Variants in KRTAP10-9 observed in about 807,000 individuals in gnomAD.
KRTAP10-9 encodes keratin-associated protein 10-9.
KRTAP10-9 carries 1 observed loss-of-function variant against 0.5 expected under a neutral mutation model. The observed-to-expected ratio is 1.92, with a 90% confidence interval of 0.68 to 9.09. The LOEUF (loss-of-function observed/expected upper bound fraction) is 9.09. KRTAP10-9 is among the 30% of genes most tolerant of loss of function. The probability of loss-of-function intolerance (pLI) is 0.13; values close to 1 mark genes in which losing one functional copy is unlikely to be tolerated. For synonymous variants in KRTAP10-9, 199 were observed against 159.8 expected (o/e 1.25, Z -1.85); for missense variants, 391 against 376.4 (o/e 1.04, Z -0.32).
At position 44,628,075 on chromosome 21, in the gene KRTAP10-9, G is replaced by A. The variant is rs587628552; in HGVS notation, c.*25G>A. The stretch of plus-strand genomic sequence containing the variant: ...ACGGTCATGTCCCCCAGGGCCAGCC[G>A]GGCTCAGGCCCCACCTCCCTGCCAG... On this transcript the variant is annotated 3_prime_UTR_variant, in exon 1 of 1. Transcript: ENST00000397911. 5.2e-5 allele frequency: 83 copies of A among 1,595,562 alleles called. 1 individual carries two copies. The highest frequency in any genetic ancestry group is 1.3e-4 in the Admixed American group (8 of 59,360).
rs587764735 is a variant in KRTAP10-9, at chr21:44,627,695, C to T, written c.524C>T (p.Ser175Phe). 6.2e-7 allele frequency: 1 copy of T among 1,603,790 alleles called. No homozygotes were observed. Among genetic ancestry groups the T allele is most frequent in the Non-Finnish European group, 8.5e-7 (1 of 1,174,200 alleles). Reference protein sequence around the residue: ...QSSCQPACCTSSPCQQSYCVP... With the variant: ...QSSCQPACCTFSPCQQSYCVP... ...AGCTGCCAGCCAGCTTGCTGCACTT[C>T]CTCCCCCTGCCAGCAGTCCTACTGT... is the stretch of plus-strand genomic sequence containing the variant. The change falls in exon 1 of 1, where the codon TCC becomes TTC. Residue 175 changes from serine to phenylalanine, a missense_variant. Transcript: ENST00000397911.
chr21:44,627,261 C>A lies in KRTAP10-9; in HGVS notation c.90C>A (p.Pro30=), dbSNP rs1982870294. The A allele has an allele frequency of 1.9e-6, 3 of 1,612,752 alleles. No homozygotes were observed. Among genetic ancestry groups the A allele is most frequent in the South Asian group, 1.1e-5 (1 of 91,014 alleles). ...GCCCAGAGAGCTGCTGTGAGCCCCC[C>A]TGCTGCGCCACCAGCTGCTGCGCCC... is the stretch of plus-strand genomic sequence containing the variant. ...DDCPESCCEP[P]CCATSCCAPA... is the part of the protein sequence containing the mutation. Residue 30 remains proline, a synonymous_variant, in exon 1 of 1, where the codon CCC becomes CCA. Coordinates refer to ENST00000397911, the MANE Select transcript of KRTAP10-9 (RefSeq NM_198690.3).
At position 44,627,198 on chromosome 21, in the gene KRTAP10-9, C is replaced by A. The variant is rs781892956; in HGVS notation, c.27C>A (p.Arg9=). The A allele has an allele frequency of 1.9e-6, 3 of 1,612,948 alleles. No individual in the cohort carries two copies. The highest frequency in any genetic ancestry group is 2.5e-6 in the Non-Finnish European group (3 of 1,179,976). The part of the protein sequence containing the change: MAASTMSI[R]SSAYSDSWQV... The stretch of plus-strand genomic sequence containing the variant: ...TGGCCGCGTCCACCATGTCCATCCG[C>A]TCCAGCGCTTACTCCGACTCCTGGC... The change falls in exon 1 of 1, where the codon CGC becomes CGA. Residue 9 remains arginine (R), a synonymous_variant. Coordinates refer to ENST00000397911, the MANE Select transcript of KRTAP10-9 (RefSeq NM_198690.3).
Position 44,627,150 on chromosome 21 carries a change from C to T in KRTAP10-9, c.-22C>T. ...ACACACTCACTTACACCTCCCCCAG[C>T]TCACCTCCTCCCCACCCCAGCATGG... On this transcript the variant is annotated 5_prime_UTR_variant, in exon 1 of 1. Coordinates refer to ENST00000397911, the MANE Select transcript of KRTAP10-9 (RefSeq NM_198690.3). 6.2e-7 allele frequency: 1 copy of T among 1,604,978 alleles called. No homozygotes were observed. The highest frequency in any genetic ancestry group is 8.5e-7 in the Non-Finnish European group (1 of 1,175,608).
rs1555934562 is a variant in KRTAP10-9 at position 44,627,229 on chromosome 21, G to C, written c.58G>C (p.Asp20His). 2 of 1,612,744 alleles carry C rather than the reference G, an allele frequency of 1.2e-6. No individual in the cohort carries two copies. Among genetic ancestry groups the C allele is most frequent in the Non-Finnish European group, 1.7e-6 (2 of 1,180,004 alleles). ...SSAYSDSWQVDDCPESCCEPP... is the reference protein window; with the variant it reads ...SSAYSDSWQVHDCPESCCEPP... ...CGCTTACTCCGACTCCTGGCAGGTGGACGACTGCCCAGAGAGCTGCTGTGA... is the reference window on the plus strand; with the variant it reads ...CGCTTACTCCGACTCCTGGCAGGTGCACGACTGCCCAGAGAGCTGCTGTGA... Residue 20 changes from aspartate to histidine, a missense_variant, in exon 1 of 1, where the codon GAC becomes CAC. By Grantham distance (81) the Asp-to-His change is moderately conservative. Transcript: ENST00000397911.
chr21:44,628,204 CT>C lies in KRTAP10-9; in HGVS notation c.*155del. On this transcript the variant is annotated 3_prime_UTR_variant, in exon 1 of 1. Transcript: ENST00000397911. Reference sequence around the variant, plus strand: ...CGGGGTCTCAGATGCTCACTGGCTCCTCCCTGACCTCCCCCCCGGGCAGGCG... The same window carrying C: ...CGGGGTCTCAGATGCTCACTGGCTCCCCCTGACCTCCCCCCCGGGCAGGCG... The C allele has an allele frequency of 1.2e-6, 1 of 836,914 alleles. No homozygotes were observed. The highest frequency in any genetic ancestry group is 3.7e-4 in the Middle Eastern group (1 of 2,670). The allele number at this position is 836,914 out of a possible 1,614,324, so 51.8% of individuals were successfully genotyped here.
Position 44,627,904 on chromosome 21 carries a change from G to A in KRTAP10-9, c.733G>A (p.Val245Met), listed in dbSNP as rs373246520. ...CCCTGTGTGCAGGCCCGCCTGCTGC[G>A]TGCCCGTCTCCTCCTGCTGTGCCCC... Reference protein sequence around the residue: ...CRPVCRPACCVPVSSCCAPTS... With the variant: ...CRPVCRPACCMPVSSCCAPTS... Residue 245 changes from valine to methionine, a missense_variant, in exon 1 of 1, where the codon GTG (valine) becomes ATG (methionine). Physicochemically the swap from Val to Met is conservative, Grantham distance 21 (BLOSUM62 1). Coordinates refer to ENST00000397911, the MANE Select transcript of KRTAP10-9 (RefSeq NM_198690.3). The A allele has an allele frequency of 1.8e-4, 278 of 1,520,014 alleles. No homozygotes were observed. The highest frequency in any genetic ancestry group is 1.1e-3 in the East Asian group (44 of 41,462). 94.2% of individuals were successfully genotyped at this position (1,520,014 alleles called of 1,614,324 possible).
chr21:44,627,507 C>T lies in KRTAP10-9; in HGVS notation c.336C>T (p.Pro112=), dbSNP rs369551214. ...GCTGCAAGCCTGTGTGCTGCGTGCCCGTCTGCTGTGGGGCTTCTTCGTGCT... is the reference window on the plus strand; with the variant it reads ...GCTGCAAGCCTGTGTGCTGCGTGCCTGTCTGCTGTGGGGCTTCTTCGTGCT... ...PVCCKPVCCV[P]VCCGASSCCQ... is the part of the protein sequence containing the mutation. The change falls in exon 1 of 1, where the codon CCC becomes CCT. Residue 112 remains proline, a synonymous_variant. Transcript: ENST00000397911. The T allele has an allele frequency of 1.3e-4, 193 of 1,537,304 alleles. No individual in the cohort carries two copies. In the Middle Eastern group the frequency reaches 2.6e-3, roughly 21 times the overall value.
Position 44,628,097 on chromosome 21 carries a change from C to A in KRTAP10-9, c.*47C>A. Reference sequence around the variant, plus strand: ...GCCGGGCTCAGGCCCCACCTCCCTGCCAGTCCTTGGACCTCCCAGCCCACC... The same window carrying A: ...GCCGGGCTCAGGCCCCACCTCCCTGACAGTCCTTGGACCTCCCAGCCCACC... On this transcript the variant is annotated 3_prime_UTR_variant, in exon 1 of 1. Coordinates refer to ENST00000397911, the MANE Select transcript of KRTAP10-9 (RefSeq NM_198690.3). The A allele has an allele frequency of 6.3e-7, 1 of 1,578,212 alleles. No homozygotes were observed. The highest frequency in any genetic ancestry group is 8.6e-7 in the Non-Finnish European group (1 of 1,160,582).
In KRTAP10-9 at chr21:44,628,357, C is replaced by T. The variant is rs1424703118; in HGVS notation, c.*307C>T. 7.9e-6 allele frequency: 3 copies of T among 378,476 alleles called. No individual in the cohort carries two copies. Among genetic ancestry groups the T allele is most frequent in the Non-Finnish European group, 9.9e-6 (2 of 201,026 alleles). 23.4% of individuals were successfully genotyped at this position (378,476 alleles called of 1,614,324 possible). A position where few individuals can be genotyped will look rare whatever the true frequency, so the allele number is the denominator to read the frequency against. On this transcript the variant is annotated 3_prime_UTR_variant, in exon 1 of 1. Coordinates refer to ENST00000397911, the MANE Select transcript of KRTAP10-9 (RefSeq NM_198690.3). ...AGCGTCACCCTCTGCCCCTGAGCAC[C>T]AATAAAGCGTCTGCGGCCCCAGCTG...
chr21:44,628,278 TC>T lies in KRTAP10-9; in HGVS notation c.*230del, dbSNP rs1298677666. ...GCTTCCTGGCTGCAGACCACAACCC[TC>T]CGCTGGTCGCTGGTTGGGGACGGGC... On this transcript the variant is annotated 3_prime_UTR_variant, in exon 1 of 1. Transcript: ENST00000397911. 8.3e-6 allele frequency: 3 copies of T among 360,648 alleles called. 1 individual carries two copies. In the African/African-American group the frequency reaches 1.0e-4, roughly 12 times the overall value. The allele number at this position is 360,648 out of a possible 1,614,324, so 22.3% of individuals were successfully genotyped here.
Position 44,627,857 on chromosome 21 carries a change from CCT to C in KRTAP10-9, n.227-207_227-206del, listed in dbSNP as rs782546550. The C allele has an allele frequency of 3.7e-6, 6 of 1,613,642 alleles. No homozygotes were observed. In the South Asian group the frequency reaches 4.4e-5, roughly 12 times the overall value. The stretch of plus-strand genomic sequence containing the variant: ...ACCACCTCCTGCTGCAGACCCTCCT[CCT>C]CTGTGTCCCTCCTCTGCCGCCCTGT... On this transcript the variant is annotated intron_variant and non_coding_transcript_variant, in intron 1 of 1. Coordinates refer to the KRTAP10-9 transcript ENST00000484861.
In KRTAP10-9 at chr21:44,627,335, G is replaced by GGTGACCTGTGAGCTGCCAGGA; in HGVS notation, n.213_214insGTGACCTGTGAGCTGCCAGGA. 3 of 1,613,176 alleles carry GGTGACCTGTGAGCTGCCAGGA rather than the reference G, an allele frequency of 1.9e-6. No individual in the cohort carries two copies. The African/African-American group carries it at 4.0e-5, about 22-fold the overall frequency. On this transcript the variant is annotated non_coding_transcript_exon_variant, in exon 1 of 2. Transcript: ENST00000484861. ...TGCACCCCAGTGAGCCGTGTATCCA[G>GGTGACCTGTGAGCTGCCAGGA]CCCCTGCTGCCAGGTGACCTGTGAG...
At position 44,627,456 on chromosome 21, in the gene KRTAP10-9, C is replaced by T; in HGVS notation, c.285C>T (p.Cys95=). The change falls in exon 1 of 1, where the codon TGC becomes TGT. Residue 95 remains cysteine (C), a synonymous_variant. Transcript: ENST00000397911. The part of the protein sequence containing the change: ...CQPAYCTSSP[C]QQACCVPVCC... ...CGGCTTACTGCACCTCCTCCCCCTGCCAGCAGGCCTGCTGCGTGCCCGTCT... is the reference window on the plus strand; with the variant it reads ...CGGCTTACTGCACCTCCTCCCCCTGTCAGCAGGCCTGCTGCGTGCCCGTCT... 6.2e-7 allele frequency: 1 copy of T among 1,608,700 alleles called. No individual in the cohort carries two copies. The highest frequency in any genetic ancestry group is 8.5e-7 in the Non-Finnish European group (1 of 1,177,160).
chr21:44,627,292 C>T lies in KRTAP10-9; in HGVS notation c.121C>T (p.Pro41Ser), dbSNP rs200201249. The T allele has an allele frequency of 3.0e-5, 49 of 1,612,588 alleles. No individual in the cohort carries two copies. Among genetic ancestry groups the T allele is most frequent in the Non-Finnish European group, 3.9e-5 (46 of 1,179,928 alleles). Residue 41 changes from proline (P) to serine (S), a missense_variant, in exon 1 of 1, where the codon CCC (proline) becomes TCC (serine). Pro to Ser is a moderately conservative substitution (Grantham distance 74, BLOSUM62 -1). Transcript: ENST00000397911. The part of the protein sequence containing the change: ...CCATSCCAPA[P>S]CLTLVCTPVS... ...CGCCACCAGCTGCTGCGCCCCGGCC[C>T]CCTGCCTGACCCTGGTCTGCACCCC...
Position 44,627,642 on chromosome 21 carries a change from G to A in KRTAP10-9, c.471G>A (p.Glu157=). Residue 157 remains glutamate, a synonymous_variant, in exon 1 of 1, where the codon GAG becomes GAA. Coordinates refer to ENST00000397911, the MANE Select transcript of KRTAP10-9 (RefSeq NM_198690.3). ...KPVCCAPTCS[E]DSYSCCQQSS... is the part of the protein sequence containing the mutation. Reference sequence around the variant, plus strand: ...TGTGCTGTGCGCCCACCTGCTCTGAGGATTCCTATTCATGCTGCCAACAGT... The same window carrying A: ...TGTGCTGTGCGCCCACCTGCTCTGAAGATTCCTATTCATGCTGCCAACAGT... 1 of 1,608,494 alleles carries A rather than the reference G, an allele frequency of 6.2e-7. No individual in the cohort carries two copies. The highest frequency in any genetic ancestry group is 8.5e-7 in the Non-Finnish European group (1 of 1,178,532).
Position 44,627,632 on chromosome 21 carries a change from C to T in KRTAP10-9, c.461C>T (p.Thr154Ile). The change falls in exon 1 of 1, where the codon ACC becomes ATC. Residue 154 changes from threonine (T) to isoleucine (I), a missense_variant. Thr to Ile is a moderately conservative substitution (Grantham distance 89). Transcript: ENST00000397911. ...TGCAAACCTGTGTGCTGTGCGCCCA[C>T]CTGCTCTGAGGATTCCTATTCATGC... ...VCCKPVCCAPTCSEDSYSCCQ... is the reference protein window; with the variant it reads ...VCCKPVCCAPICSEDSYSCCQ... 3.1e-6 allele frequency: 5 copies of T among 1,611,580 alleles called. No individual in the cohort carries two copies. The Admixed American group carries it at 6.7e-5, about 22-fold the overall frequency.
rs1326330087 is a variant in KRTAP10-9, at chr21:44,627,320, T to C, written c.149T>C (p.Val50Ala). ...TGCCTGACCCTGGTCTGCACCCCAG[T>C]GAGCCGTGTATCCAGCCCCTGCTGC... ...APCLTLVCTP[V>A]SRVSSPCCQV... Residue 50 changes from valine to alanine, a missense_variant, in exon 1 of 1, where the codon GTG becomes GCG. Val to Ala is a moderately conservative substitution (Grantham distance 64). Transcript: ENST00000397911. The C allele has an allele frequency of 5.6e-6, 9 of 1,612,968 alleles. No homozygotes were observed. The highest frequency in any genetic ancestry group is 7.6e-6 in the Non-Finnish European group (9 of 1,179,946).
rs201452080 is a variant in KRTAP10-9 at position 44,628,051 on chromosome 21, C to T, written c.*1C>T. 1,030 of 1,610,038 alleles carry T rather than the reference C, an allele frequency of 6.4e-4. 4 individuals carry two copies. The highest frequency in any genetic ancestry group is 3.2e-3 in the East Asian group (142 of 44,832). ...CTCAGGCCAGAAGTCCAGCTGCTGACGGTCATGTCCCCCAGGGCCAGCCGG... is the reference window on the plus strand; with the variant it reads ...CTCAGGCCAGAAGTCCAGCTGCTGATGGTCATGTCCCCCAGGGCCAGCCGG... On this transcript the variant is annotated 3_prime_UTR_variant, in exon 1 of 1. Transcript: ENST00000397911.
Sources: gnomAD v4.1 joint callset for allele counts on GRCh38, gnomAD v4.1.1 for gene constraint, MANE v1.5 for transcripts, NCBI Gene and HGNC (gene_info 2026-07-23, HGNC 2026-07-21) for gene names.